Variants in LASP1 observed in about 807,000 individuals in gnomAD.
LASP1 encodes the protein LIM and SH3 protein 1.
In LASP1, 10 loss-of-function variants were observed where a neutral mutation model predicts 38.6. That is an observed-to-expected ratio of 0.26 (90% CI 0.16 to 0.44). The LOEUF (loss-of-function observed/expected upper bound fraction) is 0.44. Among genes scored for constraint, LASP1 ranks in the 20% least tolerant of loss-of-function variants. The pLI, the probability that LASP1 is intolerant of heterozygous loss-of-function variation, is 1.00. For synonymous variants in LASP1, 132 were observed against 140.8 expected (o/e 0.94, Z 0.44); for missense variants, 243 against 375.7 (o/e 0.65, Z 2.92).
chr17:38,908,402 C>T (rs1598118952), intron 4 of LASP1, among the ~76,000 whole-genome samples: 1 of 152,242 alleles, frequency 6.6e-6, no homozygotes, highest in African/African-American at 2.4e-5. Flanking sequence ...TCCCCGCCAC[C>T]AACACCAGTG....
In LASP1 at chr17:38,878,168, C is replaced by T; in HGVS notation, c.152C>T (p.Pro51Leu). The change falls in exon 2 of 7, where the codon CCC becomes CTC. Residue 51 changes from proline (P) to leucine (L), a missense_variant. Coordinates refer to ENST00000318008, the MANE Select transcript of LASP1 (RefSeq NM_006148.4). ...AACTACAAGGGCTACGAGAAGAAGC[C>T]CTACTGCAACGCGTGAGTCCTGTTC... ...MKNYKGYEKK[P>L]YCNAHYPKQS... 1 of 1,612,956 alleles carries T rather than the reference C, an allele frequency of 6.2e-7. No homozygotes were observed. The highest frequency in any genetic ancestry group is 8.5e-7 in the Non-Finnish European group (1 of 1,179,164).
At chr17:38,892,132 T>G (rs1001845973) in intron 3 of LASP1, among the ~76,000 whole-genome samples, 1 of 152,162 alleles carries the variant, frequency 6.6e-6, no homozygotes, top group Non-Finnish European at 1.5e-5. Flanking sequence ...AGCAAGTGCC[T>G]TTAGTTAGTT....
At chr17:38,880,816 G>C (rs1175297860) in intron 2 of LASP1, among the ~76,000 whole-genome samples, 1 of 152,118 alleles carries the variant, frequency 6.6e-6, no homozygotes, top group African/African-American at 2.4e-5. Flanking sequence ...AAAAATTCCT[G>C]CCCAGGAGGC....
At chr17:38,912,875 C>G (rs918710609) in intron 4 of LASP1, among the ~76,000 whole-genome samples, 1 of 152,160 alleles carries the variant, frequency 6.6e-6, no homozygotes, top group African/African-American at 2.4e-5. Flanking sequence ...GCCAGTTGAC[C>G]CTGAGGTTTC....
At position 38,914,336 on chromosome 17, in the gene LASP1, T is replaced by C. The variant is rs751341429; in HGVS notation, c.369T>C (p.His123=). The change falls in exon 5 of 7, where the codon CAT becomes CAC. Residue 123 remains histidine (H), a synonymous_variant. Coordinates refer to ENST00000318008, the MANE Select transcript of LASP1 (RefSeq NM_006148.4). ...TQDQISNIKY[H]EEFEKSRMGP... is the part of the protein sequence containing the mutation. ...TTCTGACCTTGCAGATAAAATACCA[T>C]GAGGAGTTTGAGAAGAGCCGCATGG... The C allele has an allele frequency of 4.3e-6, 7 of 1,609,496 alleles. No individual in the cohort carries two copies. Among genetic ancestry groups the C allele is most frequent in the South Asian group, 1.1e-5 (1 of 90,446 alleles).
At chr17:38,892,808 C>T (rs1367740408) in intron 3 of LASP1, among the ~76,000 whole-genome samples, 1 of 152,212 alleles carries the variant, frequency 6.6e-6, no homozygotes, top group Non-Finnish European at 1.5e-5. Flanking sequence ...CAGCACCACG[C>T]TCTGGGTTTG....
intron 6 of LASP1, among the ~76,000 whole-genome samples, chr17:38,917,395 T>C (rs915671265): frequency 6.6e-6 from 1 of 152,106 alleles, no homozygotes; most frequent in Non-Finnish European, 1.5e-5. Flanking sequence ...AGGATTTATT[T>C]TTCTTTTTTT....
intron 6 of LASP1, among the ~76,000 whole-genome samples, chr17:38,917,133 G>A (rs955576002): frequency 1.3e-5 from 2 of 152,198 alleles, no homozygotes; most frequent in South Asian, 4.1e-4. Flanking sequence ...TGGCAGCTGT[G>A]TTGAGAAGAG....
chr17:38,898,722 T>A, intron 4 of LASP1: 1 of 644,046 alleles, frequency 1.6e-6, no homozygotes, highest in Non-Finnish European at 2.9e-6. Context: ...ACGCATAGCA[T>A]TTTCTTCTTG....
intron 5 of LASP1, 61 bp from the exon 6 acceptor site, chr17:38,914,982 C>T (rs112138130): frequency 3.1e-5 from 47 of 1,523,820 alleles, no homozygotes; most frequent in Non-Finnish European, 4.3e-5. Flanking sequence ...TTCTCGGGAG[C>T]TCTGGGAGGG....
intron 3 of LASP1, among the ~76,000 whole-genome samples, chr17:38,894,368 A>C (rs1318940275): frequency 1.3e-5 from 2 of 152,196 alleles, no homozygotes; most frequent in Non-Finnish European, 2.9e-5. Flanking sequence ...TCTTGTAAGC[A>C]GCACGGGTGG....
At chr17:38,912,462 C>T (rs995908180) in intron 4 of LASP1, among the ~76,000 whole-genome samples, 4 of 151,362 alleles carry the variant, frequency 2.6e-5, no homozygotes, top group Admixed American at 2.0e-4. Flanking sequence ...GCCAGGGTGC[C>T]GCTGGGCCAG....
intron 2 of LASP1, among the ~76,000 whole-genome samples, chr17:38,879,830 G>A (rs1913891590): frequency 6.6e-6 from 1 of 152,048 alleles, no homozygotes; most frequent in Admixed American, 6.6e-5. Context: ...ACCAGGTGCT[G>A]GGAAAACAGA....
At chr17:38,909,792 G>C (rs1300690795) in intron 4 of LASP1, among the ~76,000 whole-genome samples, 1 of 152,066 alleles carries the variant, frequency 6.6e-6, no homozygotes, top group Non-Finnish European at 1.5e-5. Flanking sequence ...CTGTCTCCCA[G>C]GCTGGAGTAC....
intron 3 of LASP1, chr17:38,897,197 T>C (rs763551001): frequency 2.9e-5 from 16 of 546,306 alleles, no homozygotes; most frequent in East Asian, 1.5e-4. Context: ...GGGAACCACA[T>C]GGATGAGTGA....
At position 38,888,367 on chromosome 17, in the gene LASP1, T is replaced by A. The variant is rs1454767923; in HGVS notation, c.165-2053T>A. Among the ~76,000 whole-genome samples, 5 of 151,734 alleles carry A rather than the reference T, an allele frequency of 3.3e-5. No individual in the cohort carries two copies. The East Asian group carries it at 9.7e-4, about 29-fold the overall frequency. Reference sequence around the variant, plus strand: ...ATCTTGGCTCACTGCAAGCTCCACCTCCCAGGTTCAAGTGATTCTCCTGCC... The same window carrying A: ...ATCTTGGCTCACTGCAAGCTCCACCACCCAGGTTCAAGTGATTCTCCTGCC... On this transcript the variant is annotated intron_variant, in intron 2 of 6. Coordinates refer to ENST00000318008, the MANE Select transcript of LASP1 (RefSeq NM_006148.4).
rs1915056078 is a variant in LASP1, at chr17:38,914,619, G to C, written c.508+144G>C. On this transcript the variant is annotated intron_variant, in intron 5 of 6. Transcript: ENST00000318008. ...CGATTATGCCTCTTGTGTGCAAGAG[G>C]GGACCAGAGGACCTGAGGCCGGGCC... 4.5e-6 allele frequency: 5 copies of C among 1,104,698 alleles called. No homozygotes were observed. In the South Asian group the frequency reaches 8.2e-5, roughly 18 times the overall value. 68.4% of individuals were successfully genotyped at this position (1,104,698 alleles called of 1,614,324 possible).
intron 1 of LASP1, chr17:38,873,780 C>G (rs1197842816): frequency 6.6e-6 from 1 of 152,300 alleles, no homozygotes; most frequent in East Asian, 1.9e-4. Context: ...CTGGCATTGC[C>G]TCTGCAGGAG....
At chr17:38,917,519 G>A (rs377711246) in intron 6 of LASP1, among the ~76,000 whole-genome samples, 8 of 152,124 alleles carry the variant, frequency 5.3e-5, no homozygotes, top group Admixed American at 3.3e-4. Context: ...TTTGGCTGAG[G>A]CTTGGAAGGT....
Sources: gnomAD v4.1 joint callset for allele counts (sites outside exome capture counted in the v4.1 genomes callset) on GRCh38, gnomAD v4.1.1 for gene constraint, MANE v1.5 for transcripts, NCBI Gene and HGNC (gene_info 2026-07-23, HGNC 2026-07-21) for gene names.